PEBP4: variants seen among roughly 807,000 people sequenced by gnomAD.
PEBP4 encodes the protein phosphatidylethanolamine binding protein 4.
Under a neutral mutation model 23.9 loss-of-function variants are expected in PEBP4, and 22 were observed. The observed-to-expected ratio is 0.92, with a 90% CI of 0.66 to 1.31. The LOEUF is 1.31. PEBP4 is among the 40% of genes most tolerant of loss of function. PEBP4 has a pLI of 0.00. For missense variants in PEBP4, 324 were observed against 281.7 expected, an observed-to-expected ratio of 1.15 and a Z score of -1.07; for synonymous variants, 112 against 99.3, an observed-to-expected ratio of 1.13 and a Z score of -0.76.
chr8:22,891,032 G>A (rs548798511), intron 3 of PEBP4, among the ~76,000 whole-genome samples: 4 of 152,192 alleles, frequency 2.6e-5, no homozygotes, highest in Non-Finnish European at 4.4e-5. Context: ...GTTTCACCAT[G>A]TTGGCCAGGC....
In PEBP4 at chr8:22,727,436, C is replaced by T. The variant is rs563522915; in HGVS notation, c.358-216G>A. ...AGTGAGTGGGGTTTTGGAATGGGTA[C>T]CTCAGGGGATCCAGGGAAAGAGGAC... On this transcript the variant is annotated intron_variant, in intron 4 of 6. Transcript: ENST00000256404. Among the ~76,000 whole-genome samples the T allele has an allele frequency of 1.2e-3, 188 of 152,050 alleles. 1 individual carries two copies. Among genetic ancestry groups the T allele is most frequent in the African/African-American group, 4.3e-3 (178 of 41,442 alleles).
intron 3 of PEBP4, chr8:22,878,229 G>GGAGGGGGAGAGT (rs1322747786): frequency 1.3e-5 from 2 of 150,460 alleles, no homozygotes; most frequent in Non-Finnish European, 3.0e-5. Context: ...AGGGGGAGAG[G>GGAGGGGGAGAGT]GAGGGAGGGA....
chr8:22,726,963 C>T (rs577156007), intron 5 of PEBP4, among the ~76,000 whole-genome samples: 10 of 152,256 alleles, frequency 6.6e-5, no homozygotes, highest in Admixed American at 4.6e-4. Context: ...ATTCACATGG[C>T]GCAGGATGGT....
chr8:22,931,012 G>T (rs1809447980), upstream of PEBP4, among the ~76,000 whole-genome samples: 1 of 151,952 alleles, frequency 6.6e-6, no homozygotes, highest in African/African-American at 2.4e-5. Flanking sequence ...GGATCTGTTG[G>T]ACCACTGCTG....
chr8:22,833,706 C>A (rs912612720), intron 3 of PEBP4, among the ~76,000 whole-genome samples: 1 of 152,174 alleles, frequency 6.6e-6, no homozygotes, highest in Non-Finnish European at 1.5e-5. Context: ...GCTTCACGAT[C>A]GTGATTAGTG....
At chr8:22,834,369 C>T (rs997651666) in intron 3 of PEBP4, among the ~76,000 whole-genome samples, 1 of 152,236 alleles carries the variant, frequency 6.6e-6, no homozygotes, top group African/African-American at 2.4e-5. Context: ...CTTTCATCCC[C>T]AAGGACGGGT....
At chr8:22,873,134 G>C (rs1045172038) in intron 3 of PEBP4, among the ~76,000 whole-genome samples, 1 of 152,182 alleles carries the variant, frequency 6.6e-6, no homozygotes, top group Non-Finnish European at 1.5e-5. Flanking sequence ...AGAGAAAGGG[G>C]CTGGAGAATC....
intron 2 of PEBP4, among the ~76,000 whole-genome samples, chr8:22,924,193 A>G (rs1809274613): frequency 6.6e-6 from 1 of 152,076 alleles, no homozygotes; most frequent in Non-Finnish European, 1.5e-5. Flanking sequence ...CGAGACTCCC[A>G]ACTCTACAAA....
At chr8:22,868,135 G>A (rs984147289) in intron 3 of PEBP4, among the ~76,000 whole-genome samples, 1 of 152,194 alleles carries the variant, frequency 6.6e-6, no homozygotes, top group African/African-American at 2.4e-5. Context: ...CTTGTCAGTA[G>A]AGAGGGAAGA....
chr8:22,894,518 G>A (rs541160711), intron 3 of PEBP4, among the ~76,000 whole-genome samples: 1 of 152,144 alleles, frequency 6.6e-6, no homozygotes, highest in East Asian at 1.9e-4. Context: ...GGAGGTCAAG[G>A]CTGCAGTGAA....
intron 4 of PEBP4, among the ~76,000 whole-genome samples, chr8:22,810,090 A>AT (rs1262924730): frequency 6.6e-6 from 1 of 152,220 alleles, no homozygotes; most frequent in Non-Finnish European, 1.5e-5. Context: ...ACTGGTCCTG[A>AT]TTCCGCCTGG....
chr8:22,937,319 A>C (rs1051651945), intron 1 of PEBP4, among the ~76,000 whole-genome samples: 1 of 152,226 alleles, frequency 6.6e-6, no homozygotes, highest in Non-Finnish European at 1.5e-5. Context: ...CAAATAGGAA[A>C]TTAGGAAAAC....
intron 3 of PEBP4, among the ~76,000 whole-genome samples, chr8:22,818,718 C>T (rs996737057): frequency 2.6e-5 from 4 of 152,114 alleles, no homozygotes; most frequent in South Asian, 4.2e-4. Flanking sequence ...GAGAGGAGGC[C>T]AGGAGGCCAG....
intron 2 of PEBP4, chr8:22,925,111 G>T: frequency 1.0e-6 from 1 of 985,368 alleles, no homozygotes; most frequent in South Asian, 4.7e-5. Context: ...TGTCCTTGAT[G>T]CATTTTTCAT....
At chr8:22,751,049 C>A (rs1029629860) in intron 4 of PEBP4, among the ~76,000 whole-genome samples, 1 of 152,184 alleles carries the variant, frequency 6.6e-6, no homozygotes, top group Non-Finnish European at 1.5e-5. Flanking sequence ...GCCCACGCAG[C>A]GGGCAGAAGC....
At chr8:22,898,373 C>T (rs1808632327) in intron 3 of PEBP4, among the ~76,000 whole-genome samples, 1 of 121,620 alleles carries the variant, frequency 8.2e-6, no homozygotes, top group East Asian at 2.5e-4. Flanking sequence ...GCCTGAGCGA[C>T]AGAGGAAGAC....
intron 3 of PEBP4, among the ~76,000 whole-genome samples, chr8:22,917,338 C>T (rs1342855272): frequency 6.6e-6 from 1 of 152,196 alleles, no homozygotes; most frequent in Non-Finnish European, 1.5e-5. Flanking sequence ...GTAGCACTTG[C>T]TCCTCCAGCC....
intron 3 of PEBP4, among the ~76,000 whole-genome samples, chr8:22,903,931 T>A (rs1187662327): frequency 2.0e-5 from 3 of 152,198 alleles, no homozygotes; most frequent in Non-Finnish European, 2.9e-5. Flanking sequence ...AGGCTCCAGC[T>A]GGGAGTGGGA....
In PEBP4 at chr8:22,724,932, G is replaced by C. The variant is rs1409442438; in HGVS notation, c.428C>G (p.Ala143Gly). 17 of 1,613,980 alleles carry C rather than the reference G, an allele frequency of 1.1e-5. No homozygotes were observed. Among genetic ancestry groups the C allele is most frequent in the Non-Finnish European group, 1.4e-5 (16 of 1,179,974 alleles). The stretch of plus-strand genomic sequence containing the variant: ...CTGGTAGCGATGGAAGCCACTGTGT[G>C]CCGGTGGGGAGGGAGCCTGGTAGGC... ...LSAYQAPSPP[A>G]HSGFHRYQFF... Residue 143 changes from alanine to glycine, a missense_variant, in exon 6 of 7, where the codon GCA (alanine) becomes GGA (glycine). By Grantham distance (60) the Ala-to-Gly change is moderately conservative (BLOSUM62 0). Transcript: ENST00000256404.
Sources: allele counts gnomAD v4.1 joint callset (sites outside exome capture counted in the v4.1 genomes callset), GRCh38; gene constraint gnomAD v4.1.1; transcripts MANE v1.5; gene names NCBI Gene and HGNC (gene_info 2026-07-23, HGNC 2026-07-21).